The following PRELID2 variants were observed in gnomAD, a reference collection of about 807,000 sequenced individuals.
PRELID2 encodes the protein PRELI domain containing 2.
PRELID2 carries 25 observed loss-of-function variants against 28.4 expected under a neutral mutation model. The ratio of observed to expected loss-of-function variants is 0.88; its 90% confidence interval spans 0.64 to 1.23. The LOEUF (loss-of-function observed/expected upper bound fraction) is 1.23. PRELID2 is among the 50% of genes most tolerant of loss of function. The probability of loss-of-function intolerance (pLI) is 0.00; values close to 1 mark genes in which losing one functional copy is unlikely to be tolerated. For synonymous variants in PRELID2, 76 were observed against 71.6 expected (o/e 1.06, Z -0.31); for missense variants, 201 against 214.4 (o/e 0.94, Z 0.39).
chr5:145,610,463 TAA>T (rs57586640), intron 1 of PRELID2, among the ~76,000 whole-genome samples: 7,458 of 147,416 alleles, frequency 0.051, 370 homozygotes, highest in African/African-American at 0.13. Flanking sequence ...ATTCTCAATT[TAA>T]AAAAAAAAAA....
At chr5:145,437,235 A>C in the PRELID2 span, 2 of 152,182 alleles carry the variant, frequency 1.3e-5, no homozygotes, top group Non-Finnish European at 2.9e-5. Flanking sequence ...ATCTCTGGTA[A>C]GTGATGGTTG....
chr5:145,673,147 A>G (rs1437171808), intron 1 of PRELID2, among the ~76,000 whole-genome samples: 1 of 152,178 alleles, frequency 6.6e-6, no homozygotes, highest in Non-Finnish European at 1.5e-5. Flanking sequence ...GAAAAGACGT[A>G]TATTCAAATC....
In PRELID2 at chr5:145,835,269, C is replaced by G. The variant is rs772347913; in HGVS notation, c.-18G>C. On this transcript the variant is annotated 5_prime_UTR_variant, in exon 1 of 7. Coordinates refer to ENST00000683046, the MANE Select transcript of PRELID2 (RefSeq NM_205846.3). ...ACCCCCATCCCCGCGCGCCGCGGGC[C>G]CCGCGCACCGGCCACGCCTCCGCGA... is the stretch of plus-strand genomic sequence containing the variant. 1 of 1,534,956 alleles carries G rather than the reference C, an allele frequency of 6.5e-7. No homozygotes were observed. Among genetic ancestry groups the G allele is most frequent in the African/African-American group, 1.4e-5 (1 of 72,702 alleles).
At chr5:145,329,226 T>C in the PRELID2 span, among the ~76,000 whole-genome samples, 182 of 152,248 alleles carry the variant, frequency 1.2e-3, 1 homozygote, top group African/African-American at 4.3e-3. Flanking sequence ...TCCAGCTTTG[T>C]TCTTTCTTTT....
chr5:145,394,628 A>G, the PRELID2 span, among the ~76,000 whole-genome samples: 1 of 152,188 alleles, frequency 6.6e-6, no homozygotes, highest in Non-Finnish European at 1.5e-5. Context: ...AATTATAACT[A>G]TAGTAAATAC....
At chr5:145,455,051 G>T in the PRELID2 span, among the ~76,000 whole-genome samples, 1 of 152,176 alleles carries the variant, frequency 6.6e-6, no homozygotes, top group Non-Finnish European at 1.5e-5. Flanking sequence ...TGAAATCTTT[G>T]CCCATGCCTA....
chr5:145,645,514 G>C (rs1170491266), intron 1 of PRELID2, among the ~76,000 whole-genome samples: 1 of 151,856 alleles, frequency 6.6e-6, no homozygotes, highest in African/African-American at 2.4e-5. Flanking sequence ...CTTTTAATTG[G>C]AGCATTTAGC....
the PRELID2 span, among the ~76,000 whole-genome samples, chr5:145,249,232 C>T: frequency 6.6e-6 from 1 of 152,110 alleles, no homozygotes; most frequent in African/African-American, 2.4e-5. Context: ...TTAACATGCC[C>T]CTTCCCGGCA....
At chr5:145,234,586 C>T in the PRELID2 span, among the ~76,000 whole-genome samples, 3 of 152,050 alleles carry the variant, frequency 2.0e-5, no homozygotes, top group African/African-American at 4.8e-5. Flanking sequence ...CTCCCATTTC[C>T]ATTTTCTTGG....
At chr5:145,386,455 G>A in the PRELID2 span, among the ~76,000 whole-genome samples, 1 of 152,042 alleles carries the variant, frequency 6.6e-6, no homozygotes, top group Non-Finnish European at 1.5e-5. Flanking sequence ...TGGTTTCATA[G>A]GCAGTTTTCC....
In PRELID2 at chr5:145,708,492, TG is replaced by T. The variant is rs369092257; in HGVS notation, n.70+56438del. On this transcript the variant is annotated intron_variant and non_coding_transcript_variant, in intron 1 of 2. Transcript: ENST00000510259. ...CATTTTAATTGTCATCCAATTGTAT[TG>T]TTTTTTTCTTGTATGTATGTTTTCT... 8.3e-3 allele frequency among the ~76,000 whole-genome samples: 1,194 copies of T among 144,170 alleles called. 12 individuals carry two copies. The highest frequency in any genetic ancestry group is 0.032 in the African/African-American group (1,148 of 36,382). The allele number at this position is 144,170 out of a possible 152,430, so 94.6% of individuals were successfully genotyped here. A position where few individuals can be genotyped will look rare whatever the true frequency, so the allele number is the denominator to read the frequency against.
At chr5:145,612,360 A>C (rs1753629480) in intron 1 of PRELID2, among the ~76,000 whole-genome samples, 2 of 152,226 alleles carry the variant, frequency 1.3e-5, no homozygotes, top group Non-Finnish European at 2.9e-5. Flanking sequence ...ACAGAATAGG[A>C]GAAAACATTG....
chr5:145,824,249 T>C (rs1267065051), intron 1 of PRELID2, among the ~76,000 whole-genome samples: 2 of 151,958 alleles, frequency 1.3e-5, no homozygotes, highest in Admixed American at 6.6e-5. Context: ...GAAAAGAAAA[T>C]TGGCAGGAAG....
At chr5:145,834,192 G>C (rs1755786169) in intron 1 of PRELID2, among the ~76,000 whole-genome samples, 2 of 152,094 alleles carry the variant, frequency 1.3e-5, no homozygotes, top group Non-Finnish European at 2.9e-5. Flanking sequence ...GTAGCAGTGA[G>C]AAAAAGAAAA....
the PRELID2 span, among the ~76,000 whole-genome samples, chr5:145,394,685 T>C: frequency 6.6e-6 from 1 of 152,210 alleles, no homozygotes; most frequent in Non-Finnish European, 1.5e-5. Context: ...GAACTTGTGT[T>C]AATCCCATTT....
intron 1 of PRELID2, among the ~76,000 whole-genome samples, chr5:145,636,110 T>A (rs1230629337): frequency 6.6e-6 from 1 of 152,222 alleles, no homozygotes. Flanking sequence ...TGCCTAGCAC[T>A]ATTCTAAGCA....
At chr5:145,259,293 A>G in the PRELID2 span, among the ~76,000 whole-genome samples, 5 of 152,168 alleles carry the variant, frequency 3.3e-5, no homozygotes, top group African/African-American at 9.7e-5. Context: ...TAGTGGAGCT[A>G]TGAGAAGAAG....
At chr5:145,304,877 A>G in the PRELID2 span, among the ~76,000 whole-genome samples, 1 of 152,186 alleles carries the variant, frequency 6.6e-6, no homozygotes, top group African/African-American at 2.4e-5. Context: ...ATATATGCAC[A>G]CACACATATA....
intron 1 of PRELID2, among the ~76,000 whole-genome samples, chr5:145,833,892 C>T (rs1404248703): frequency 6.6e-6 from 1 of 152,228 alleles, no homozygotes; most frequent in Non-Finnish European, 1.5e-5. Context: ...ACCCCTTCAT[C>T]TTATAGATGT....
Sources: gnomAD v4.1 joint callset for allele counts (sites outside exome capture counted in the v4.1 genomes callset) on GRCh38, gnomAD v4.1.1 for gene constraint, MANE v1.5 for transcripts, NCBI Gene and HGNC (gene_info 2026-07-23, HGNC 2026-07-21) for gene names.